PAK5: variants seen among roughly 807,000 people sequenced by gnomAD.
The protein encoded by PAK5 is p21 (RAC1) activated kinase 5, also known as serine/threonine-protein kinase PAK 5.
A neutral mutation model predicts 65.9 loss-of-function variants in PAK5; 16 were observed. The ratio of observed to expected loss-of-function variants is 0.24; its 90% CI spans 0.16 to 0.37. The LOEUF (loss-of-function observed/expected upper bound fraction) is 0.37. Among genes scored for constraint, PAK5 ranks in the 10% least tolerant of loss-of-function variants. PAK5 has a pLI of 1.00. For synonymous variants in PAK5, 371 were observed against 354.9 expected, an observed-to-expected ratio of 1.05 and a Z score of -0.51; for missense variants, 785 against 903.9, an observed-to-expected ratio of 0.87 and a Z score of 1.69.
intron 3 of PAK5, among the ~76,000 whole-genome samples, chr20:9,615,184 G>A (rs1163893627): frequency 2.0e-5 from 3 of 152,320 alleles, no homozygotes; most frequent in East Asian, 1.9e-4. Flanking sequence ...GTGTGGGAGG[G>A]ATGAACAGGT....
intron 3 of PAK5, among the ~76,000 whole-genome samples, chr20:9,618,168 G>T (rs571891681): frequency 6.6e-6 from 1 of 152,178 alleles, no homozygotes; most frequent in Non-Finnish European, 1.5e-5. Flanking sequence ...ACAGCGCTGG[G>T]CGACACTATC....
At chr20:9,820,778 C>T (rs1321657912) in intron 1 of PAK5, among the ~76,000 whole-genome samples, 2 of 152,162 alleles carry the variant, frequency 1.3e-5, no homozygotes, top group African/African-American at 4.8e-5. Flanking sequence ...TCTTCTGAAG[C>T]TGTGTAACAC....
chr20:9,562,592 A>C (rs2045607638), intron 6 of PAK5, among the ~76,000 whole-genome samples: 1 of 152,172 alleles, frequency 6.6e-6, no homozygotes, highest in Admixed American at 6.5e-5. Flanking sequence ...AGCTTTAGAA[A>C]TCTATATAGG....
At chr20:9,830,341 C>A (rs1978609814) in intron 1 of PAK5, among the ~76,000 whole-genome samples, 1 of 152,216 alleles carries the variant, frequency 6.6e-6, no homozygotes, top group Non-Finnish European at 1.5e-5. Context: ...GTTACCTGGA[C>A]AGCCACAGAC....
intron 1 of PAK5, among the ~76,000 whole-genome samples, chr20:9,813,054 A>C (rs1477370053): frequency 2.0e-5 from 3 of 152,178 alleles, no homozygotes; most frequent in Non-Finnish European, 4.4e-5. Flanking sequence ...CTCACAAATG[A>C]AAAGAAATAA....
chr20:9,599,892 C>A (rs545697910), intron 3 of PAK5, among the ~76,000 whole-genome samples: 2 of 151,940 alleles, frequency 1.3e-5, no homozygotes, highest in Non-Finnish European at 2.9e-5. Context: ...TCGGTGCTTG[C>A]GCTTTTGGTG....
At chr20:9,823,978 A>G (rs1206622944) in intron 1 of PAK5, among the ~76,000 whole-genome samples, 1 of 152,230 alleles carries the variant, frequency 6.6e-6, no homozygotes, top group Non-Finnish European at 1.5e-5. Context: ...GGGAATAATG[A>G]TAACACCTAA....
intron 1 of PAK5, among the ~76,000 whole-genome samples, chr20:9,822,544 C>A (rs1362589981): frequency 6.6e-6 from 1 of 152,052 alleles, no homozygotes; most frequent in East Asian, 1.9e-4. Flanking sequence ...GCTCTTTTAC[C>A]CACTGTACAT....
At chr20:9,815,461 A>G (rs1216948459) in intron 1 of PAK5, among the ~76,000 whole-genome samples, 1 of 152,142 alleles carries the variant, frequency 6.6e-6, no homozygotes, top group African/African-American at 2.4e-5. Flanking sequence ...AAGCAGCTCT[A>G]CAAATCCATA....
chr20:9,562,886 C>T lies in PAK5; in HGVS notation c.1616+5G>A. 3 of 1,611,488 alleles carry T rather than the reference C, an allele frequency of 1.9e-6. No homozygotes were observed. The highest frequency in any genetic ancestry group is 2.2e-5 in the South Asian group (2 of 90,874). Reference sequence around the variant, plus strand: ...TCGAATTCTCTGGATAATAAAGAAGCCTACCTGGTGTGAGTCACAATGTCT... The same window carrying T: ...TCGAATTCTCTGGATAATAAAGAAGTCTACCTGGTGTGAGTCACAATGTCT... On this transcript the variant is annotated splice_donor_5th_base_variant and intron_variant, in intron 6 of 9. Transcript: ENST00000353224.
At chr20:9,675,637 C>A (rs1231154830) in intron 2 of PAK5, among the ~76,000 whole-genome samples, 1 of 152,090 alleles carries the variant, frequency 6.6e-6, no homozygotes, top group Non-Finnish European at 1.5e-5. Flanking sequence ...GGCACCATAC[C>A]CAGCTCCAAT....
At chr20:9,642,514 T>G (rs894864117) in intron 3 of PAK5, among the ~76,000 whole-genome samples, 2 of 152,234 alleles carry the variant, frequency 1.3e-5, no homozygotes, top group Non-Finnish European at 2.9e-5. Context: ...CAGGGCACAC[T>G]GCTCATTGCA....
intron 3 of PAK5, among the ~76,000 whole-genome samples, chr20:9,623,900 A>T (rs1402232936): frequency 1.3e-5 from 2 of 152,204 alleles, no homozygotes; most frequent in Non-Finnish European, 1.5e-5. Flanking sequence ...TTATAATACC[A>T]GGGCATGGTG....
At chr20:9,541,987 T>C (rs547780709) in intron 9 of PAK5, among the ~76,000 whole-genome samples, 1 of 152,234 alleles carries the variant, frequency 6.6e-6, no homozygotes, top group Non-Finnish European at 1.5e-5. Context: ...TGTGGAACTG[T>C]GAGTTAATTA....
At chr20:9,748,037 C>CA (rs2048529301) in intron 1 of PAK5, among the ~76,000 whole-genome samples, 1 of 152,098 alleles carries the variant, frequency 6.6e-6, no homozygotes, top group Admixed American at 6.6e-5. Flanking sequence ...TCTTATACAC[C>CA]AATAACAGAT....
chr20:9,806,758 T>C (rs563834350), intron 1 of PAK5, among the ~76,000 whole-genome samples: 1 of 152,330 alleles, frequency 6.6e-6, no homozygotes, highest in East Asian at 1.9e-4. Flanking sequence ...ATGCTAGCTA[T>C]TATTATTCAT....
chr20:9,644,185 G>A lies in PAK5; in HGVS notation c.144C>T (p.Asn48=), dbSNP rs2047103494. 1.9e-6 allele frequency: 3 copies of A among 1,610,420 alleles called. No homozygotes were observed. Among genetic ancestry groups the A allele is most frequent in the African/African-American group, 1.3e-5 (1 of 74,728 alleles). The change falls in exon 3 of 10, where the codon AAC becomes AAT. Residue 48 remains asparagine, a synonymous_variant. Transcript: ENST00000353224. ...AAGGGTCCACCATAGGCTTTGGCCT[G>A]TTGGCCGTATCTGCTAACAGGCTGT... ...QWHSLLADTA[N]RPKPMVDPSC... is the part of the protein sequence containing the mutation.
intron 3 of PAK5, among the ~76,000 whole-genome samples, chr20:9,605,337 C>T (rs563208136): frequency 6.6e-6 from 1 of 152,316 alleles, no homozygotes; most frequent in Non-Finnish European, 1.5e-5. Context: ...TCCACCAAAG[C>T]TGCAGGTAAA....
rs752344748 is a variant in PAK5, at chr20:9,569,630, C to A, written c.991-3246G>T. 2.6e-5 allele frequency among the ~76,000 whole-genome samples: 4 copies of A among 152,164 alleles called. No individual in the cohort carries two copies. In the East Asian group the frequency reaches 7.7e-4, roughly 29 times the overall value. ...GGATGGGGCATGTTGCTCATTGGAT[C>A]TGGTGACATGGTAGAGGCAAGCAGG... is the stretch of plus-strand genomic sequence containing the variant. On this transcript the variant is annotated intron_variant, in intron 4 of 9. Coordinates refer to ENST00000353224, the MANE Select transcript of PAK5 (RefSeq NM_177990.4).
Sources: allele counts gnomAD v4.1 joint callset (sites outside exome capture counted in the v4.1 genomes callset), GRCh38; gene constraint gnomAD v4.1.1; transcripts MANE v1.5; gene names NCBI Gene and HGNC (gene_info 2026-07-23, HGNC 2026-07-21).